Variants in HIVEP3 observed in about 807,000 individuals in gnomAD.
The protein encoded by HIVEP3 is transcription factor HIVEP3.
Under a neutral mutation model 152.8 loss-of-function variants are expected in HIVEP3, and 49 were observed. The observed-to-expected ratio is 0.32, with a 90% CI of 0.26 to 0.41. HIVEP3 has a LOEUF of 0.41. Among genes scored for constraint, HIVEP3 ranks in the 10% least tolerant of loss-of-function variants. The pLI, the probability that HIVEP3 is intolerant of heterozygous loss-of-function variation, is 1.00. For missense variants in HIVEP3, 2,790 were observed against 3,103.3 expected, an observed-to-expected ratio of 0.90 and a Z score of 2.40; for synonymous variants, 1,269 against 1,289.0, an observed-to-expected ratio of 0.98 and a Z score of 0.33.
chr1:41,822,659 T>A (rs190384173), intron 1 of HIVEP3, among the ~76,000 whole-genome samples: 1 of 152,214 alleles, frequency 6.6e-6, no homozygotes, highest in Non-Finnish European at 1.5e-5. Flanking sequence ...AGCTATACCA[T>A]GACAGTCCCC....
At chr1:41,897,344 T>C (rs1644545773) in intron 1 of HIVEP3, among the ~76,000 whole-genome samples, 1 of 152,142 alleles carries the variant, frequency 6.6e-6, no homozygotes, top group South Asian at 2.1e-4. Flanking sequence ...AATTCTTATG[T>C]TGGAACCTAA....
At chr1:41,974,317 C>T (rs968671649) in intron 1 of HIVEP3, among the ~76,000 whole-genome samples, 1 of 152,028 alleles carries the variant, frequency 6.6e-6, no homozygotes, top group African/African-American at 2.4e-5. Context: ...TACTCTGTGC[C>T]CATCCTAGGA....
intron 1 of HIVEP3, among the ~76,000 whole-genome samples, chr1:41,840,296 A>C (rs892547309): frequency 2.0e-5 from 3 of 152,170 alleles, no homozygotes; most frequent in Non-Finnish European, 4.4e-5. Flanking sequence ...TAGACCCCAA[A>C]TCCAACATGA....
chr1:41,507,392 C>A lies in HIVEP3; in HGVS notation c.*3059G>T, dbSNP rs964089865. 1 of 152,210 alleles carries A rather than the reference C, an allele frequency of 6.6e-6. No homozygotes were observed. Among genetic ancestry groups the A allele is most frequent in the Non-Finnish European group, 1.5e-5 (1 of 68,112 alleles). The allele number at this position is 152,210 out of a possible 1,614,324, so 9.4% of individuals were successfully genotyped here. A position where few individuals can be genotyped will look rare whatever the true frequency, so the allele number is the denominator to read the frequency against. On this transcript the variant is annotated 3_prime_UTR_variant, in exon 9 of 9. Transcript: ENST00000372583. ...GGAGCAGAGAGGAGTGGGGTTACTA[C>A]CCAGGATGGCCCTGAGATTGCCAAG... is the stretch of plus-strand genomic sequence containing the variant.
intron 1 of HIVEP3, among the ~76,000 whole-genome samples, chr1:41,882,857 T>C (rs1184780898): frequency 1.3e-5 from 2 of 152,210 alleles, no homozygotes; most frequent in Non-Finnish European, 2.9e-5. Flanking sequence ...GTTCAGGAGT[T>C]GGGATAGGAT....
At chr1:41,763,178 A>G (rs1190379884) in intron 1 of HIVEP3, among the ~76,000 whole-genome samples, 1 of 152,136 alleles carries the variant, frequency 6.6e-6, no homozygotes, top group Non-Finnish European at 1.5e-5. Context: ...CATTGCATTA[A>G]CATCTCTGCT....
At chr1:42,019,738 C>T (rs1242557774) in intron 1 of HIVEP3, among the ~76,000 whole-genome samples, 1 of 151,834 alleles carries the variant, frequency 6.6e-6, no homozygotes. Context: ...CTTTCTCTTG[C>T]CTTGCTACAA....
intron 5 of HIVEP3, among the ~76,000 whole-genome samples, chr1:41,526,569 TCA>T (rs779021632): frequency 3.3e-5 from 1 of 30,396 alleles, no homozygotes; most frequent in Non-Finnish European, 6.6e-5. Flanking sequence ...TCACACACCC[TCA>T]CACATACACC....
chr1:41,513,130 G>A lies in HIVEP3; in HGVS notation c.6091C>T (p.Leu2031Phe). The change falls in exon 8 of 9, where the codon CTT becomes TTT. Residue 2031 changes from leucine to phenylalanine, a missense_variant. This residue lies in a region of HIVEP3 where 816 missense variants were observed against 806.5 expected (regional missense o/e 1.01). Transcript: ENST00000372583. ...MGALPCGSPR[L>F]QLSPLTLCPL... Reference sequence around the variant, plus strand: ...CAGAGGGTGAGAGGAGACAGCTGAAGTCTTGGAGACCCACAAGGGAGAGCG... The same window carrying A: ...CAGAGGGTGAGAGGAGACAGCTGAAATCTTGGAGACCCACAAGGGAGAGCG... The A allele has an allele frequency of 6.2e-7, 1 of 1,613,856 alleles. No homozygotes were observed. The highest frequency in any genetic ancestry group is 8.5e-7 in the Non-Finnish European group (1 of 1,179,988).
At chr1:41,769,908 C>G (rs1243178796) in intron 1 of HIVEP3, among the ~76,000 whole-genome samples, 1 of 152,140 alleles carries the variant, frequency 6.6e-6, no homozygotes, top group Non-Finnish European at 1.5e-5. Context: ...TCTTAGAATA[C>G]CACAGTAAAA....
intron 1 of HIVEP3, chr1:41,865,495 A>AAGACAC (rs1643952766): frequency 1.3e-5 from 2 of 152,304 alleles, no homozygotes; most frequent in African/African-American, 4.8e-5. Flanking sequence ...AGGCTGATGG[A>AAGACAC]AGACACAGAC....
intron 1 of HIVEP3, among the ~76,000 whole-genome samples, chr1:41,993,517 A>T (rs1483263825): frequency 0.015 from 2,247 of 151,372 alleles, 30 homozygotes; most frequent in Non-Finnish European, 0.018. Flanking sequence ...CTGGAGAGGA[A>T]GTGGAGAAAT....
chr1:41,515,961 G>A (rs993170181), intron 7 of HIVEP3, among the ~76,000 whole-genome samples: 7 of 152,214 alleles, frequency 4.6e-5, no homozygotes, highest in African/African-American at 1.7e-4. Flanking sequence ...AGTGTTAGGA[G>A]TGAAGGAGAG....
intron 3 of HIVEP3, among the ~76,000 whole-genome samples, chr1:41,614,013 C>T (rs189898411): frequency 5.9e-5 from 9 of 152,330 alleles, no homozygotes; most frequent in Admixed American, 2.6e-4. Context: ...AGCACCCTGA[C>T]GCCCAGGCCA....
intron 1 of HIVEP3, among the ~76,000 whole-genome samples, chr1:41,797,264 C>A (rs1244095314): frequency 6.6e-6 from 1 of 152,178 alleles, no homozygotes; most frequent in Non-Finnish European, 1.5e-5. Context: ...TCAACCAGGG[C>A]CCAGCTATGG....
chr1:41,709,045 C>A (rs1404095634), intron 1 of HIVEP3, among the ~76,000 whole-genome samples: 4 of 152,150 alleles, frequency 2.6e-5, no homozygotes, highest in Non-Finnish European at 5.9e-5. Context: ...AAAAGAGAAT[C>A]TGGGGAAGAT....
intron 1 of HIVEP3, among the ~76,000 whole-genome samples, chr1:42,025,632 G>C (rs574197033): frequency 1.2e-4 from 19 of 152,298 alleles, no homozygotes; most frequent in Non-Finnish European, 2.6e-4. Flanking sequence ...GCCCTCCTCC[G>C]GAGATTCATC....
chr1:41,687,512 C>T (rs1035492135), intron 2 of HIVEP3, among the ~76,000 whole-genome samples: 126 of 152,352 alleles, frequency 8.3e-4, no homozygotes, highest in African/African-American at 2.9e-3. Context: ...CGCAGAGAGG[C>T]TGTAGTTGGG....
intron 1 of HIVEP3, among the ~76,000 whole-genome samples, chr1:41,740,120 A>T (rs1646975064): frequency 6.6e-6 from 1 of 152,164 alleles, no homozygotes; most frequent in African/African-American, 2.4e-5. Flanking sequence ...GTCTCCCCAT[A>T]CTCAACCTAC....
Sources: allele counts gnomAD v4.1 joint callset (sites outside exome capture counted in the v4.1 genomes callset), GRCh38; gene constraint gnomAD v4.1.1; regional missense constraint gnomAD v4.1.1; transcripts MANE v1.5; gene names NCBI Gene and HGNC (gene_info 2026-07-23, HGNC 2026-07-21).